Variants in PNLIPRP3 observed in about 807,000 individuals in gnomAD.
PNLIPRP3 encodes pancreatic lipase-related protein 3.
Under a neutral mutation model 52.8 loss-of-function variants are expected in PNLIPRP3, and 58 were observed. That is an observed-to-expected ratio of 1.10 (90% confidence interval 0.89 to 1.37). PNLIPRP3 has a LOEUF of 1.37. Ranked by LOEUF, PNLIPRP3 falls within the 40% of genes most tolerant of loss-of-function variation. The pLI is 0.00. For synonymous variants in PNLIPRP3, 192 were observed against 185.0 expected (o/e 1.04, Z -0.31); for missense variants, 593 against 561.6 (o/e 1.06, Z -0.57).
At chr10:116,441,136 A>G (rs1845852480) in intron 2 of PNLIPRP3, among the ~76,000 whole-genome samples, 1 of 152,140 alleles carries the variant, frequency 6.6e-6, no homozygotes, top group South Asian at 2.1e-4. Flanking sequence ...ATTTATGTTG[A>G]AAAGCTGCTT....
chr10:116,434,605 G>T (rs544440020), intron 1 of PNLIPRP3, among the ~76,000 whole-genome samples: 1 of 152,148 alleles, frequency 6.6e-6, no homozygotes, highest in Admixed American at 6.5e-5. Context: ...AGAGCACAGT[G>T]GTAGATAACC....
At position 116,469,320 on chromosome 10, in the gene PNLIPRP3, A is replaced by C. The variant is rs1346361533; in HGVS notation, c.1060+3A>C. 4 of 1,599,528 alleles carry C rather than the reference A, an allele frequency of 2.5e-6. No homozygotes were observed. The highest frequency in any genetic ancestry group is 1.7e-5 in the Admixed American group (1 of 57,490). The stretch of plus-strand genomic sequence containing the variant: ...AGGGTCCCTTTCCCCATTTGCCCGT[A>C]AGTATCATAGCTAAGTTTAATTGTA... On this transcript the variant is annotated splice_donor_region_variant and intron_variant, in intron 9 of 11. Coordinates refer to ENST00000369230, the MANE Select transcript of PNLIPRP3 (RefSeq NM_001011709.3).
chr10:116,438,514 C>G (rs1845809889), intron 2 of PNLIPRP3, among the ~76,000 whole-genome samples: 1 of 152,188 alleles, frequency 6.6e-6, no homozygotes, highest in Admixed American at 6.5e-5. Flanking sequence ...ACACACTACT[C>G]TTTACTGAAA....
intron 8 of PNLIPRP3, among the ~76,000 whole-genome samples, chr10:116,467,362 A>G (rs1208371605): frequency 2.0e-5 from 3 of 152,156 alleles, no homozygotes; most frequent in African/African-American, 7.2e-5. Context: ...CTGAATAACA[A>G]CTGCATTCCA....
At chr10:116,475,337 A>G (rs928242696) in intron 10 of PNLIPRP3, among the ~76,000 whole-genome samples, 2 of 152,178 alleles carry the variant, frequency 1.3e-5, no homozygotes, top group African/African-American at 4.8e-5. Flanking sequence ...AATGGGTACT[A>G]GGCTTAATGT....
At chr10:116,443,207 C>A in intron 3 of PNLIPRP3, 33 bp downstream of exon 3, 1 of 1,585,454 alleles carries the variant, frequency 6.3e-7, no homozygotes, top group Non-Finnish European at 8.6e-7. Flanking sequence ...TTTACACTAG[C>A]ATGCGAGCTT....
At chr10:116,442,192 C>T (rs978330996) in intron 2 of PNLIPRP3, among the ~76,000 whole-genome samples, 1 of 152,184 alleles carries the variant, frequency 6.6e-6, no homozygotes, top group Non-Finnish European at 1.5e-5. Context: ...AACAAAATCA[C>T]TTAAATTTAT....
Position 116,476,806 on chromosome 10 carries a change from A to T in PNLIPRP3, c.1327A>T (p.Lys443Ter). Residue 443 changes from lysine (K) to a stop codon, truncating the protein, a stop_gained, in exon 11 of 12, where the codon AAA becomes TAA. Coordinates refer to ENST00000369230, the MANE Select transcript of PNLIPRP3 (RefSeq NM_001011709.3). LOFTEE classifies it low-confidence loss of function (END_TRUNC). ...AGAAATGGTGATAAATACATCTGGG[A>T]AATATGGATATAAGTAAGTATTGCT... is the stretch of plus-strand genomic sequence containing the variant. ...GAEMVINTSGKYGYKSTFCSQ... is the reference protein window; with the variant it reads ...GAEMVINTSG 6.3e-7 allele frequency: 1 copy of T among 1,598,050 alleles called. No individual in the cohort carries two copies. The highest frequency in any genetic ancestry group is 1.1e-5 in the South Asian group (1 of 87,458).
At chr10:116,462,310 T>TATA (rs199636409) in intron 7 of PNLIPRP3, among the ~76,000 whole-genome samples, 15 of 149,098 alleles carry the variant, frequency 1.0e-4, no homozygotes, top group Non-Finnish European at 1.3e-4. Flanking sequence ...ACCCATAATA[T>TATA]ATAATAATAA....
intron 7 of PNLIPRP3, among the ~76,000 whole-genome samples, chr10:116,462,964 A>T (rs1009562618): frequency 1.1e-4 from 16 of 152,174 alleles, no homozygotes; most frequent in African/African-American, 3.9e-4. Context: ...TTTTACTTAA[A>T]TTTATTACTA....
intron 2 of PNLIPRP3, 146 bp downstream of exon 2, chr10:116,437,011 T>C: frequency 1.3e-6 from 1 of 790,316 alleles, no homozygotes; most frequent in Admixed American, 3.0e-5. Context: ...ATGAGTCAGA[T>C]TTTTTCTATG....
intron 10 of PNLIPRP3, among the ~76,000 whole-genome samples, chr10:116,474,052 G>A (rs1846419473): frequency 6.6e-6 from 1 of 151,678 alleles, no homozygotes; most frequent in African/African-American, 2.4e-5. Context: ...ACACTACAGG[G>A]CTACAGTAAC....
chr10:116,467,264 C>T (rs1191541280), intron 8 of PNLIPRP3, among the ~76,000 whole-genome samples: 3 of 152,160 alleles, frequency 2.0e-5, no homozygotes, highest in Non-Finnish European at 2.9e-5. Context: ...CTGTGGCATG[C>T]ACCTGTAGTC....
chr10:116,457,825 C>T (rs1220054150), intron 5 of PNLIPRP3, among the ~76,000 whole-genome samples: 1 of 152,170 alleles, frequency 6.6e-6, no homozygotes, highest in Non-Finnish European at 1.5e-5. Flanking sequence ...AAATCAGATA[C>T]TATTTAACTC....
Position 116,443,154 on chromosome 10 carries a change from T to A in PNLIPRP3, c.304T>A (p.Trp102Arg), listed in dbSNP as rs1401497556. The A allele has an allele frequency of 6.2e-7, 1 of 1,610,714 alleles. No homozygotes were observed. The highest frequency in any genetic ancestry group is 1.3e-5 in the African/African-American group (1 of 74,810). ...NIAGWKTDGK[W>R]QRDMCNVLLQ... is the part of the protein sequence containing the mutation. ...AGCTGGATGGAAAACAGATGGCAAA[T>A]GGCAGAGAGACATGTGCAATGTATG... The change falls in exon 3 of 12, where the codon TGG (tryptophan) becomes AGG (arginine). Residue 102 changes from tryptophan (W) to arginine (R), a missense_variant. Transcript: ENST00000369230.
In PNLIPRP3 at chr10:116,471,889, G is replaced by A. The variant is rs1181481415; in HGVS notation, c.1172+10G>A. ...AGTTTGCCATTGTCAGGTAGGCAGA[G>A]TGAGAAACTGACGCTTTGCACAGTG... On this transcript the variant is annotated intron_variant, in intron 10 of 11. Coordinates refer to ENST00000369230, the MANE Select transcript of PNLIPRP3 (RefSeq NM_001011709.3). 2.0e-6 allele frequency: 3 copies of A among 1,534,358 alleles called. No homozygotes were observed. Among genetic ancestry groups the A allele is most frequent in the Non-Finnish European group, 2.7e-6 (3 of 1,109,006 alleles).
At chr10:116,473,992 C>G (rs1464889260) in intron 10 of PNLIPRP3, among the ~76,000 whole-genome samples, 1 of 146,502 alleles carries the variant, frequency 6.8e-6, no homozygotes, top group African/African-American at 2.5e-5. Flanking sequence ...CAAGGCAATC[C>G]TAAACAAAAA....
chr10:116,436,852 C>T lies in PNLIPRP3; in HGVS notation c.191C>T (p.Pro64Leu), dbSNP rs577563045. 29 of 1,592,582 alleles carry T rather than the reference C, an allele frequency of 1.8e-5. No homozygotes were observed. In the East Asian group the frequency reaches 6.1e-4, roughly 33 times the overall value. ...TTCCTGCTCTACACTATACACAATC[C>T]CAATGCCTATCAGGTAAGCTAACTT... is the stretch of plus-strand genomic sequence containing the variant. ...TRFLLYTIHN[P>L]NAYQEISAVN... The change falls in exon 2 of 12, where the codon CCC (proline) becomes CTC (leucine). Residue 64 changes from proline (P) to leucine (L), a missense_variant. By Grantham distance (98) the Pro-to-Leu change is moderately conservative (BLOSUM62 -3). Coordinates refer to ENST00000369230, the MANE Select transcript of PNLIPRP3 (RefSeq NM_001011709.3).
intron 2 of PNLIPRP3, 36 bp downstream of exon 2, chr10:116,436,901 C>G: frequency 2.6e-6 from 4 of 1,528,726 alleles, no homozygotes; most frequent in Non-Finnish European, 3.5e-6. Context: ...ATGGATTATT[C>G]TAAAATATAA....
Sources: allele counts gnomAD v4.1 joint callset (sites outside exome capture counted in the v4.1 genomes callset), GRCh38; gene constraint gnomAD v4.1.1; transcripts MANE v1.5; gene names NCBI Gene and HGNC (gene_info 2026-07-23, HGNC 2026-07-21).